Variants in ASIC2 observed in about 807,000 individuals in gnomAD.
ASIC2 encodes the protein acid sensing ion channel subunit 2.
In ASIC2, 25 loss-of-function variants were observed where a neutral mutation model predicts 57.3. The ratio of observed to expected loss-of-function variants is 0.44; its 90% CI spans 0.32 to 0.61. The LOEUF is 0.61. Among genes scored for constraint, ASIC2 ranks in the 20% least tolerant of loss-of-function variants. The pLI is 0.06. For missense variants in ASIC2, 641 were observed against 738.1 expected, an observed-to-expected ratio of 0.87 and a Z score of 1.52; for synonymous variants, 319 against 307.5, an observed-to-expected ratio of 1.04 and a Z score of -0.39.
At chr17:33,754,871 T>C (rs1287209971) in intron 1 of ASIC2, among the ~76,000 whole-genome samples, 2 of 142,364 alleles carry the variant, frequency 1.4e-5, no homozygotes, top group Admixed American at 7.6e-5. Context: ...GGCAGGAGAA[T>C]GGTGTGAACC....
chr17:34,040,070 G>T (rs1032549208), intron 1 of ASIC2, among the ~76,000 whole-genome samples: 1 of 143,892 alleles, frequency 6.9e-6, no homozygotes, highest in African/African-American at 2.7e-5. Flanking sequence ...GGGAGGGGGG[G>T]CACGAAGGCC....
intron 1 of ASIC2, among the ~76,000 whole-genome samples, chr17:33,642,701 A>C (rs1720257948): frequency 6.6e-6 from 1 of 152,174 alleles, no homozygotes; most frequent in Admixed American, 6.5e-5. Flanking sequence ...GAGCCTTGCA[A>C]GTATTGCCTG....
rs1910830799 is a variant in ASIC2 at position 34,100,620 on chromosome 17, A to T, written c.555+55358T>A. Among the ~76,000 whole-genome samples the T allele has an allele frequency of 2.0e-5, 3 of 152,214 alleles. No individual in the cohort carries two copies. The South Asian group carries it at 6.2e-4, about 31-fold the overall frequency. The stretch of plus-strand genomic sequence containing the variant: ...ATGCAGAAGGGAACACAGGACTCAC[A>T]GAAGACATGGATCTCATCCAAAGGG... On this transcript the variant is annotated intron_variant, in intron 1 of 9. Transcript: ENST00000359872.
intron 1 of ASIC2, among the ~76,000 whole-genome samples, chr17:33,806,597 C>G (rs986303757): frequency 6.6e-6 from 1 of 152,192 alleles, no homozygotes; most frequent in East Asian, 1.9e-4. Context: ...CAATGCAAAT[C>G]TCTTAATTCC....
At chr17:34,029,375 CAAAAA>C (rs60189628) in intron 1 of ASIC2, among the ~76,000 whole-genome samples, 2 of 110,464 alleles carry the variant, frequency 1.8e-5, no homozygotes, top group African/African-American at 5.7e-5. Flanking sequence ...GTGCTAAAAC[CAAAAA>C]AAAAAAAAAA....
At chr17:33,957,887 A>G (rs143674439) in intron 1 of ASIC2, among the ~76,000 whole-genome samples, 16 of 152,356 alleles carry the variant, frequency 1.1e-4, no homozygotes, top group Admixed American at 1.3e-4. Context: ...CCTTCTGCCT[A>G]TGAGCCTATA....
intron 5 of ASIC2, among the ~76,000 whole-genome samples, chr17:33,024,315 T>A (rs2091850674): frequency 6.6e-6 from 1 of 152,104 alleles, no homozygotes; most frequent in African/African-American, 2.4e-5. Context: ...TCTTCCCTGC[T>A]CCCAGCCTCA....
intron 2 of ASIC2, among the ~76,000 whole-genome samples, chr17:33,099,317 G>A (rs546541310): frequency 1.3e-5 from 2 of 152,110 alleles, no homozygotes; most frequent in Admixed American, 6.5e-5. Context: ...GCACCCAGCC[G>A]CTTACCGCAT....
At chr17:33,223,214 C>T (rs926449855) in intron 1 of ASIC2, among the ~76,000 whole-genome samples, 1 of 151,530 alleles carries the variant, frequency 6.6e-6, no homozygotes, top group African/African-American at 2.4e-5. Flanking sequence ...GAAGGAGTCT[C>T]TCTCTGTCAC....
chr17:33,230,244 A>G (rs1266073339), intron 1 of ASIC2, among the ~76,000 whole-genome samples: 1 of 152,270 alleles, frequency 6.6e-6, no homozygotes, highest in Non-Finnish European at 1.5e-5. Context: ...GATAGAAGCC[A>G]GCTATGGGCT....
intron 1 of ASIC2, among the ~76,000 whole-genome samples, chr17:33,669,534 G>C (rs1478163123): frequency 6.6e-6 from 1 of 152,130 alleles, no homozygotes; most frequent in Non-Finnish European, 1.5e-5. Flanking sequence ...CATGTTTACT[G>C]TTCATCACAA....
At chr17:33,530,996 G>C (rs1436692791) in intron 1 of ASIC2, among the ~76,000 whole-genome samples, 1 of 151,686 alleles carries the variant, frequency 6.6e-6, no homozygotes, top group African/African-American at 2.4e-5. Context: ...CCTTAAATAA[G>C]TTAAAGAAAA....
intron 1 of ASIC2, among the ~76,000 whole-genome samples, chr17:33,551,348 C>T (rs967400641): frequency 2.0e-4 from 30 of 152,120 alleles, no homozygotes; most frequent in African/African-American, 4.6e-4. Flanking sequence ...GAGGTCAGGA[C>T]GCTGTTAGGA....
At chr17:33,199,344 A>G (rs1484449252) in intron 1 of ASIC2, among the ~76,000 whole-genome samples, 8 of 152,220 alleles carry the variant, frequency 5.3e-5, no homozygotes, top group Non-Finnish European at 1.0e-4. Context: ...TTGTTTAATC[A>G]TCAGATGCTC....
intron 3 of ASIC2, among the ~76,000 whole-genome samples, chr17:33,032,191 C>T (rs1796427947): frequency 6.6e-6 from 1 of 152,080 alleles, no homozygotes; most frequent in Admixed American, 6.5e-5. Context: ...TCCTTTTGTT[C>T]TCTCTCTTCT....
At chr17:34,009,771 T>G (rs1203686884) in intron 1 of ASIC2, among the ~76,000 whole-genome samples, 3 of 152,212 alleles carry the variant, frequency 2.0e-5, no homozygotes, top group Non-Finnish European at 4.4e-5. Context: ...TCATTGGCAA[T>G]GACCTGAATT....
chr17:33,720,451 A>G (rs1339862028), intron 1 of ASIC2, among the ~76,000 whole-genome samples: 2 of 152,316 alleles, frequency 1.3e-5, no homozygotes, highest in East Asian at 1.9e-4. Context: ...TTATTTTGCA[A>G]AGGAAGAAAT....
chr17:33,987,846 C>T (rs909547317), intron 1 of ASIC2, among the ~76,000 whole-genome samples: 1 of 152,178 alleles, frequency 6.6e-6, no homozygotes, highest in African/African-American at 2.4e-5. Flanking sequence ...ATAAAAAAGA[C>T]AATCTCTTCT....
intron 1 of ASIC2, among the ~76,000 whole-genome samples, chr17:33,163,180 T>C (rs149298087): frequency 7.9e-5 from 12 of 152,290 alleles, no homozygotes; most frequent in Non-Finnish European, 1.3e-4. Context: ...AGAGGGAATC[T>C]GAGTGTTAGA....
Sources: allele counts gnomAD v4.1 joint callset (sites outside exome capture counted in the v4.1 genomes callset), GRCh38; gene constraint gnomAD v4.1.1; transcripts MANE v1.5; gene names NCBI Gene and HGNC (gene_info 2026-07-23, HGNC 2026-07-21).